Variants in SH3BGRL2 observed in about 807,000 individuals in gnomAD.
SH3BGRL2 encodes SH3 domain binding glutamate rich protein like 2.
In SH3BGRL2, 21 loss-of-function variants were observed where a neutral mutation model predicts 14.8. The ratio of observed to expected loss-of-function variants is 1.42; its 90% CI spans 1.01 to 2.05. The LOEUF is 2.05. Ranked by LOEUF, SH3BGRL2 falls within the 30% of genes most tolerant of loss-of-function variation. The pLI, the probability that SH3BGRL2 is intolerant of heterozygous loss-of-function variation, is 0.00. For synonymous variants in SH3BGRL2, 50 were observed against 47.8 expected (o/e 1.05, Z -0.19); for missense variants, 147 against 130.8 (o/e 1.12, Z -0.61).
chr6:79,570,543 GC>G, the SH3BGRL2 span, among the ~76,000 whole-genome samples: 1 of 152,186 alleles, frequency 6.6e-6, no homozygotes, highest in African/African-American at 2.4e-5. Context: ...CTTTAGGTCT[GC>G]CCTGTGATCT....
At chr6:79,663,282 T>C (rs544316382) in intron 1 of SH3BGRL2, among the ~76,000 whole-genome samples, 1 of 152,234 alleles carries the variant, frequency 6.6e-6, no homozygotes, top group Non-Finnish European at 1.5e-5. Flanking sequence ...TCTTTGTGGT[T>C]CTATCTACCT....
chr6:79,567,185 TCTTA>T, the SH3BGRL2 span, among the ~76,000 whole-genome samples: 19 of 152,324 alleles, frequency 1.2e-4, no homozygotes, highest in Admixed American at 2.0e-4. Context: ...ATTACTTACC[TCTTA>T]CTTGTGTAGA....
At chr6:79,685,665 TATAA>T (rs1770077302) in intron 2 of SH3BGRL2, among the ~76,000 whole-genome samples, 1 of 151,834 alleles carries the variant, frequency 6.6e-6, no homozygotes, top group Non-Finnish European at 1.5e-5. Flanking sequence ...ATAATAATTA[TATAA>T]ATGTATATTA....
chr6:79,659,517 A>G (rs1769496567), intron 1 of SH3BGRL2, among the ~76,000 whole-genome samples: 1 of 152,194 alleles, frequency 6.6e-6, no homozygotes, highest in African/African-American at 2.4e-5. Context: ...TGGTACCAGT[A>G]CCATGCTGTT....
chr6:79,631,632 A>G (rs1168662293), intron 1 of SH3BGRL2, 126 bp downstream of exon 1: 6 of 442,178 alleles, frequency 1.4e-5, no homozygotes, highest in Non-Finnish European at 1.9e-5. Context: ...CGCGCCCGGC[A>G]GGTGATCCAT....
the SH3BGRL2 span, among the ~76,000 whole-genome samples, chr6:79,567,283 TAAAC>T: frequency 6.6e-6 from 1 of 152,180 alleles, no homozygotes; most frequent in Non-Finnish European, 1.5e-5. Context: ...TGGAATCTGA[TAAAC>T]TAATTCTAAA....
the SH3BGRL2 span, among the ~76,000 whole-genome samples, chr6:79,551,432 A>G: frequency 5.5e-5 from 8 of 146,676 alleles, no homozygotes; most frequent in Admixed American, 2.1e-4. Flanking sequence ...AATGCTGTGA[A>G]TCACTCAGAA....
At chr6:79,538,302 A>T in the SH3BGRL2 span, among the ~76,000 whole-genome samples, 10 of 151,970 alleles carry the variant, frequency 6.6e-5, no homozygotes, top group African/African-American at 2.2e-4. Flanking sequence ...TTTGAAGGCA[A>T]ATGCGTTTAA....
At chr6:79,697,423 C>A (rs1770353483) in intron 3 of SH3BGRL2, among the ~76,000 whole-genome samples, 1 of 151,986 alleles carries the variant, frequency 6.6e-6, no homozygotes, top group South Asian at 2.1e-4. Context: ...TTTAACACAA[C>A]CGAAATAAAA....
chr6:79,543,598 T>C, the SH3BGRL2 span, among the ~76,000 whole-genome samples: 1 of 152,206 alleles, frequency 6.6e-6, no homozygotes, highest in African/African-American at 2.4e-5. Context: ...ATCAGTTGTC[T>C]TTAATCCCCC....
the SH3BGRL2 span, among the ~76,000 whole-genome samples, chr6:79,618,393 G>A: frequency 6.6e-6 from 1 of 152,060 alleles, no homozygotes; most frequent in Non-Finnish European, 1.5e-5. Flanking sequence ...TCATTCTTTG[G>A]GCATTTTTTG....
chr6:79,615,148 G>T, the SH3BGRL2 span, among the ~76,000 whole-genome samples: 1 of 152,118 alleles, frequency 6.6e-6, no homozygotes, highest in African/African-American at 2.4e-5. Flanking sequence ...TGGATTGATT[G>T]GTTGGAAGCA....
the SH3BGRL2 span, among the ~76,000 whole-genome samples, chr6:79,560,117 A>T: frequency 6.6e-6 from 1 of 152,174 alleles, no homozygotes; most frequent in East Asian, 1.9e-4. Context: ...TGGGGAGCAT[A>T]CACCATTCTG....
chr6:79,557,452 A>G, the SH3BGRL2 span, among the ~76,000 whole-genome samples: 2 of 152,046 alleles, frequency 1.3e-5, no homozygotes, highest in Non-Finnish European at 2.9e-5. Context: ...AATTATTATT[A>G]AAATAAAAAA....
the SH3BGRL2 span, among the ~76,000 whole-genome samples, chr6:79,555,799 C>T: frequency 1.3e-5 from 2 of 152,080 alleles, no homozygotes; most frequent in African/African-American, 4.8e-5. Context: ...TGAGCCACCG[C>T]GCCCGGCCCA....
At chr6:79,593,570 C>G in the SH3BGRL2 span, among the ~76,000 whole-genome samples, 1 of 152,130 alleles carries the variant, frequency 6.6e-6, no homozygotes, top group Non-Finnish European at 1.5e-5. Context: ...GATGAGTAAG[C>G]AGTAAGATCA....
At chr6:79,615,807 C>A in the SH3BGRL2 span, among the ~76,000 whole-genome samples, 2 of 147,102 alleles carry the variant, frequency 1.4e-5, no homozygotes, top group Admixed American at 1.4e-4. Context: ...TGCTTTTAAA[C>A]CACTCCTGCC....
Position 79,671,898 on chromosome 6 carries a change from T to A in SH3BGRL2, c.46-1716T>A, listed in dbSNP as rs183105880. The stretch of plus-strand genomic sequence containing the variant: ...CTTCCTGATGCTAGTATCATAAACA[T>A]CCACTTGAAAACTTCCTTCTACGGA... On this transcript the variant is annotated intron_variant, in intron 1 of 3. Transcript: ENST00000369838. Among the ~76,000 whole-genome samples the A allele has an allele frequency of 3.6e-3, 550 of 152,358 alleles. 9 individuals carry two copies. The highest frequency in any genetic ancestry group is 2.0e-3 in the Non-Finnish European group (136 of 68,042).
the SH3BGRL2 span, among the ~76,000 whole-genome samples, chr6:79,590,424 G>GATATATAT: frequency 0.031 from 2,040 of 66,122 alleles, 96 homozygotes; most frequent in Non-Finnish European, 0.036. Context: ...AAGAAAATGT[G>GATATATAT]ATATATATAT....
Sources: gnomAD v4.1 joint callset for allele counts (sites outside exome capture counted in the v4.1 genomes callset) on GRCh38, gnomAD v4.1.1 for gene constraint, MANE v1.5 for transcripts, NCBI Gene and HGNC (gene_info 2026-07-23, HGNC 2026-07-21) for gene names.